Variants in EMCN observed in about 807,000 individuals in gnomAD.
The protein encoded by EMCN is endomucin.
EMCN carries 37 observed loss-of-function variants against 38.4 expected under a neutral mutation model. That is an observed-to-expected ratio of 0.96 (90% CI 0.74 to 1.27). The LOEUF is 1.27. Among genes scored for constraint, EMCN ranks in the 50% most tolerant of loss-of-function variants. EMCN has a pLI of 0.00. For synonymous variants in EMCN, 95 were observed against 100.8 expected (o/e 0.94, Z 0.35); for missense variants, 318 against 302.8 (o/e 1.05, Z -0.37).
At chr4:100,473,376 TTTTTTTTTTG>T (rs1320295766) in intron 3 of EMCN, among the ~76,000 whole-genome samples, 22 of 122,296 alleles carry the variant, frequency 1.8e-4, no homozygotes, top group South Asian at 5.6e-4. Flanking sequence ...TTTTTTTGTT[TTTTTTTTTTG>T]TTTTTTTTTT....
intron 11 of EMCN, among the ~76,000 whole-genome samples, chr4:100,401,972 C>T (rs1484451648): frequency 6.6e-6 from 1 of 152,024 alleles, no homozygotes; most frequent in Non-Finnish European, 1.5e-5. Context: ...TGTTATTTTT[C>T]CCTTTTAATT....
chr4:100,445,855 T>C (rs1376443385), intron 5 of EMCN, among the ~76,000 whole-genome samples: 1 of 152,190 alleles, frequency 6.6e-6, no homozygotes, highest in Non-Finnish European at 1.5e-5. Context: ...CTCAATTTTC[T>C]AGTGGCTTAT....
chr4:100,447,324 C>T (rs1023226164), intron 5 of EMCN, among the ~76,000 whole-genome samples: 3 of 152,140 alleles, frequency 2.0e-5, no homozygotes, highest in Non-Finnish European at 4.4e-5. Context: ...CTCCACTCAC[C>T]TTAGTCACAG....
chr4:100,492,638 TA>T (rs1729113197), intron 1 of EMCN, among the ~76,000 whole-genome samples: 1 of 151,800 alleles, frequency 6.6e-6, no homozygotes, highest in African/African-American at 2.4e-5. Flanking sequence ...TAAAGATGAA[TA>T]AAAAATTCAG....
intron 5 of EMCN, among the ~76,000 whole-genome samples, chr4:100,426,553 T>C (rs1578405224): frequency 6.6e-6 from 1 of 152,236 alleles, no homozygotes; most frequent in African/African-American, 2.4e-5. Flanking sequence ...CCTAATAAAA[T>C]CCTTGTACTT....
intron 3 of EMCN, among the ~76,000 whole-genome samples, chr4:100,473,373 G>GTTTTTTTTTTTTTTTTTTTTTTTTTT (rs1256284835): frequency 3.0e-5 from 2 of 65,984 alleles, no homozygotes; most frequent in Non-Finnish European, 6.0e-5. Flanking sequence ...GTGTTTTTTT[G>GTTTTTTTTTTTTTTTTTTTTTTTTTT]TTTTTTTTTT....
intron 1 of EMCN, among the ~76,000 whole-genome samples, chr4:100,493,763 C>G (rs1050567360): frequency 7.2e-5 from 11 of 152,142 alleles, no homozygotes; most frequent in African/African-American, 2.6e-4. Flanking sequence ...AGTTGGGGGA[C>G]CACTCCTCTG....
intron 8 of EMCN, among the ~76,000 whole-genome samples, chr4:100,419,784 C>T (rs1342042125): frequency 6.6e-6 from 1 of 152,008 alleles, no homozygotes; most frequent in Non-Finnish European, 1.5e-5. Flanking sequence ...TTCACTGATT[C>T]CCAAAGGAAA....
At chr4:100,453,293 A>G (rs966590385) in intron 4 of EMCN, among the ~76,000 whole-genome samples, 3 of 152,154 alleles carry the variant, frequency 2.0e-5, no homozygotes, top group African/African-American at 7.2e-5. Flanking sequence ...GCTAATATCC[A>G]GAATCTACAA....
intron 1 of EMCN, among the ~76,000 whole-genome samples, chr4:100,506,930 A>G (rs1729494476): frequency 6.6e-6 from 1 of 152,078 alleles, no homozygotes; most frequent in Non-Finnish European, 1.5e-5. Context: ...CATTTTTTTC[A>G]TGCTCACAAA....
At chr4:100,509,449 CAG>C (rs538359481) in intron 1 of EMCN, among the ~76,000 whole-genome samples, 41 of 152,252 alleles carry the variant, frequency 2.7e-4, no homozygotes, top group Admixed American at 1.3e-3. Flanking sequence ...ACTGGGTTTG[CAG>C]AGAGAGATAA....
In EMCN at chr4:100,403,779, G is replaced by C. The variant is rs115617927; in HGVS notation, c.*40-5406C>G. Among the ~76,000 whole-genome samples the C allele has an allele frequency of 3.6e-3, 554 of 152,074 alleles. 7 individuals are homozygous for C. Among genetic ancestry groups the C allele is most frequent in the African/African-American group, 0.013 (523 of 41,490 alleles). Reference sequence around the variant, plus strand: ...ATGGTCACCATTCTGACTGATATGAGACAGCATCTCATTATGGTTTTGATT... The same window carrying C: ...ATGGTCACCATTCTGACTGATATGACACAGCATCTCATTATGGTTTTGATT... On this transcript the variant is annotated intron_variant, in intron 11 of 11. Transcript: ENST00000296420.
At position 100,410,281 on chromosome 4, in the gene EMCN, C is replaced by G. The variant is rs374744629; in HGVS notation, c.*39+1G>C. ...TCCGTGAATGAAATTGGGAAACTTACGTAATTATTGCCTAGGTGTGGAGAG... is the reference window on the plus strand; with the variant it reads ...TCCGTGAATGAAATTGGGAAACTTAGGTAATTATTGCCTAGGTGTGGAGAG... On this transcript the variant is annotated splice_donor_variant, in intron 11 of 11. Coordinates refer to ENST00000296420, the MANE Select transcript of EMCN (RefSeq NM_016242.4). LOFTEE classifies it low-confidence loss of function (3UTR_SPLICE). 2 of 1,595,292 alleles carry G rather than the reference C, an allele frequency of 1.3e-6. No homozygotes were observed. Among genetic ancestry groups the G allele is most frequent in the South Asian group, 1.1e-5 (1 of 90,630 alleles).
chr4:100,483,464 A>G (rs905986937), intron 1 of EMCN: 4 of 152,158 alleles, frequency 2.6e-5, no homozygotes, highest in Non-Finnish European at 5.9e-5. Flanking sequence ...TGTAACTACA[A>G]TGAGGAAATA....
intron 4 of EMCN, among the ~76,000 whole-genome samples, chr4:100,448,144 G>A (rs923206725): frequency 6.6e-6 from 1 of 152,052 alleles, no homozygotes; most frequent in African/African-American, 2.4e-5. Flanking sequence ...CTTTTAAAAT[G>A]TAAGAAATTA....
chr4:100,402,825 C>CT (rs945014840), intron 11 of EMCN, among the ~76,000 whole-genome samples: 5 of 151,606 alleles, frequency 3.3e-5, no homozygotes, highest in African/African-American at 4.8e-5. Context: ...TTTCTTTTTT[C>CT]TTTTTTTTCC....
intron 1 of EMCN, among the ~76,000 whole-genome samples, chr4:100,503,962 T>C (rs189768318): frequency 3.9e-4 from 60 of 152,296 alleles, no homozygotes; most frequent in Admixed American, 1.5e-3. Context: ...TATGTTAAAT[T>C]ACAAGAAGAT....
intron 5 of EMCN, among the ~76,000 whole-genome samples, chr4:100,437,294 G>A: frequency 6.6e-6 from 1 of 151,894 alleles, no homozygotes; most frequent in East Asian, 1.9e-4. Context: ...TTCTACATTT[G>A]CATCTTAACC....
chr4:100,473,500 G>A (rs537931272), intron 3 of EMCN, among the ~76,000 whole-genome samples: 9 of 150,526 alleles, frequency 6.0e-5, no homozygotes, highest in South Asian at 4.2e-4. Context: ...AAAATGGGTC[G>A]TAAAAGAAGC....
Sources: allele counts gnomAD v4.1 joint callset (sites outside exome capture counted in the v4.1 genomes callset), GRCh38; gene constraint gnomAD v4.1.1; transcripts MANE v1.5; gene names NCBI Gene and HGNC (gene_info 2026-07-23, HGNC 2026-07-21).